Variants in CYP4F2 observed in about 807,000 individuals in gnomAD.
CYP4F2 encodes cytochrome P450 family 4 subfamily F member 2.
Under a neutral mutation model 58.9 loss-of-function variants are expected in CYP4F2, and 58 were observed. The ratio of observed to expected loss-of-function variants is 0.98; its 90% CI spans 0.80 to 1.23. The LOEUF is 1.23. CYP4F2 is among the 50% of genes most tolerant of loss of function. CYP4F2 has a pLI of 0.00. For missense variants in CYP4F2, 616 were observed against 685.6 expected, an observed-to-expected ratio of 0.90 and a Z score of 1.13; for synonymous variants, 287 against 261.1, an observed-to-expected ratio of 1.10 and a Z score of -0.95.
At chr19:15,881,047 A>T (rs1224746636) in intron 9 of CYP4F2, among the ~76,000 whole-genome samples, 1 of 152,226 alleles carries the variant, frequency 6.6e-6, no homozygotes, top group African/African-American at 2.4e-5. Flanking sequence ...TTTTAGCAAA[A>T]GGTTGGAAAC....
At position 15,878,460 on chromosome 19, in the gene CYP4F2, T is replaced by C. The variant is rs1467527359; in HGVS notation, c.*311A>G. On this transcript the variant is annotated 3_prime_UTR_variant, in exon 13 of 13. Transcript: ENST00000221700. ...CATTCAAGGTTCATCCACAGTGTAGTAGGGATCACTGCTTCATTCCTTTTT... is the reference window on the plus strand; with the variant it reads ...CATTCAAGGTTCATCCACAGTGTAGCAGGGATCACTGCTTCATTCCTTTTT... 2 of 429,992 alleles carry C rather than the reference T, an allele frequency of 4.7e-6. No individual in the cohort carries two copies. The highest frequency in any genetic ancestry group is 8.8e-5 in the East Asian group (2 of 22,798). 26.6% of individuals were successfully genotyped at this position (429,992 alleles called of 1,614,324 possible). A position where few individuals can be genotyped will look rare whatever the true frequency, so the allele number is the denominator to read the frequency against.
rs2089443439 is a variant in CYP4F2, at chr19:15,895,662, G to A, written c.199-12C>T. ...TCTGTGGGGTTGACCTGCAAGCAAG[G>A]CAGGGGTCATTACCTTCTGTGATAG... On this transcript the variant is annotated splice_polypyrimidine_tract_variant and intron_variant, in intron 2 of 12. Coordinates refer to ENST00000221700, the MANE Select transcript of CYP4F2 (RefSeq NM_001082.5). 1 of 1,590,928 alleles carries A rather than the reference G, an allele frequency of 6.3e-7. No individual in the cohort carries two copies. Among genetic ancestry groups the A allele is most frequent in the Non-Finnish European group, 8.5e-7 (1 of 1,170,812 alleles).
rs745595772 is a variant in CYP4F2 at position 15,879,652 on chromosome 19, G to A, written c.1266C>T (p.Ile422=). 6.8e-6 allele frequency: 11 copies of A among 1,614,064 alleles called. No homozygotes were observed. In the East Asian group the frequency reaches 2.0e-4, roughly 29 times the overall value. ...RVIPKGIICL[I]SVFGTHHNPA... ...GGTTGTGATGGGTTCCGAAAACACT[G>A]ATGAGGCAGATAATGCCTGTGGGAG... The change falls in exon 11 of 13, where the codon ATC becomes ATT. Residue 422 remains isoleucine, a synonymous_variant. Transcript: ENST00000221700.
At chr19:15,886,692 A>G (rs2089382326) in intron 7 of CYP4F2, among the ~76,000 whole-genome samples, 1 of 152,172 alleles carries the variant, frequency 6.6e-6, no homozygotes, top group Non-Finnish European at 1.5e-5. Flanking sequence ...AAATCTAGAG[A>G]ATCTTATCCC....
At chr19:15,881,026 C>T (rs942062587) in intron 9 of CYP4F2, among the ~76,000 whole-genome samples, 2 of 152,194 alleles carry the variant, frequency 1.3e-5, no homozygotes, top group Non-Finnish European at 2.9e-5. Context: ...TGCTGACTGC[C>T]TCATGTCCAC....
At position 15,879,431 on chromosome 19, in the gene CYP4F2, G is replaced by A. The variant is rs770733860; in HGVS notation, c.1315-3C>T. On this transcript the variant is annotated splice_region_variant and splice_polypyrimidine_tract_variant and intron_variant, in intron 11 of 12. Coordinates refer to ENST00000221700, the MANE Select transcript of CYP4F2 (RefSeq NM_001082.5). ...TCAAAGCGAAAGGGGTCGTAGACCT[G>A]GAGGTGAGACCAAGAAGGGTTGTTG... The A allele has an allele frequency of 6.2e-7, 1 of 1,614,132 alleles. No homozygotes were observed. The highest frequency in any genetic ancestry group is 8.5e-7 in the Non-Finnish European group (1 of 1,180,012).
At chr19:15,885,391 G>A (rs945693064) in intron 9 of CYP4F2, among the ~76,000 whole-genome samples, 27 of 152,148 alleles carry the variant, frequency 1.8e-4, no homozygotes, top group Admixed American at 1.0e-3. Flanking sequence ...TCCTTCCCAG[G>A]TCTCCAGAGC....
At chr19:15,892,036 C>T in intron 5 of CYP4F2, among the ~76,000 whole-genome samples, 1 of 152,168 alleles carries the variant, frequency 6.6e-6, no homozygotes, top group East Asian at 1.9e-4. Flanking sequence ...GTTGTCATGA[C>T]CCTCTTGTGT....
At chr19:15,894,720 G>A (rs911861081) in intron 3 of CYP4F2, among the ~76,000 whole-genome samples, 24 of 152,196 alleles carry the variant, frequency 1.6e-4, no homozygotes, top group African/African-American at 5.1e-4. Context: ...TGAGGTCAGA[G>A]CCATGGTCTC....
In CYP4F2 at chr19:15,878,712, C is replaced by T; in HGVS notation, c.*59G>A. On this transcript the variant is annotated 3_prime_UTR_variant, in exon 13 of 13. Coordinates refer to ENST00000221700, the MANE Select transcript of CYP4F2 (RefSeq NM_001082.5). The stretch of plus-strand genomic sequence containing the variant: ...AACAGGGTCTTAGGGTAATTCTAGG[C>T]TTCACTTTTGATGAATCAGGGGTCA... The T allele has an allele frequency of 6.3e-7, 1 of 1,599,862 alleles. No homozygotes were observed. Among genetic ancestry groups the T allele is most frequent in the Non-Finnish European group, 8.5e-7 (1 of 1,171,844 alleles).
chr19:15,885,968 C>A lies in CYP4F2; in HGVS notation c.1071G>T (p.Glu357Asp), dbSNP rs775583485. The A allele has an allele frequency of 1.2e-6, 2 of 1,613,982 alleles. No homozygotes were observed. Among genetic ancestry groups the A allele is most frequent in the East Asian group, 4.5e-5 (2 of 44,860 alleles). ...CACGGTCCTTCAGAAGTTCTTGCAC[C>A]TCCTGCCGGCAGCGCTCCTGGTATT... ...HPEYQERCRQ[E>D]VQELLKDREP... The change falls in exon 9 of 13, where the codon GAG (glutamate) becomes GAT (aspartate). Residue 357 changes from glutamate (E) to aspartate (D), a missense_variant. Transcript: ENST00000221700.
chr19:15,892,940 ACT>A (rs780271518), intron 3 of CYP4F2, among the ~76,000 whole-genome samples: 18 of 151,932 alleles, frequency 1.2e-4, no homozygotes, highest in Non-Finnish European at 2.1e-4. Flanking sequence ...CTGTCCCAGC[ACT>A]CTCTGACATC....
chr19:15,895,150 C>T (rs939503273), intron 3 of CYP4F2, among the ~76,000 whole-genome samples: 1 of 152,212 alleles, frequency 6.6e-6, no homozygotes. Context: ...CCAGCAGAGA[C>T]CTTGTTCTTC....
At chr19:15,884,867 C>A (rs1248351588) in intron 9 of CYP4F2, among the ~76,000 whole-genome samples, 2 of 152,108 alleles carry the variant, frequency 1.3e-5, no homozygotes, top group African/African-American at 4.8e-5. Flanking sequence ...TCCACACTAG[C>A]CCTAGAAAGA....
chr19:15,879,160 A>T (rs1467414116), intron 12 of CYP4F2, among the ~76,000 whole-genome samples, 186 bp downstream of exon 12: 1 of 152,138 alleles, frequency 6.6e-6, no homozygotes, highest in Non-Finnish European at 1.5e-5. Flanking sequence ...GGCTCTGAGC[A>T]CACCACAGAC....
At chr19:15,896,542 A>G (rs897051353) in intron 2 of CYP4F2, among the ~76,000 whole-genome samples, 3 of 152,188 alleles carry the variant, frequency 2.0e-5, no homozygotes, top group Non-Finnish European at 4.4e-5. Context: ...TGGTCCCCAC[A>G]TGCCTTCATG....
intron 1 of CYP4F2, 53 bp from the exon 2 acceptor site, chr19:15,897,665 AG>A (rs2089456771): frequency 6.3e-7 from 1 of 1,592,974 alleles, no homozygotes; most frequent in Non-Finnish European, 8.5e-7. Flanking sequence ...AGAACGGCCC[AG>A]GGACCTCCAG....
At chr19:15,886,430 A>G in intron 7 of CYP4F2, 122 bp from the exon 8 acceptor site, 2 of 1,344,462 alleles carry the variant, frequency 1.5e-6, no homozygotes, top group Admixed American at 1.9e-5. Context: ...CAGAAATCCA[A>G]GTCCATCTTG....
chr19:15,890,537 T>C, intron 5 of CYP4F2, 104 bp from the exon 6 acceptor site: 2 of 1,523,428 alleles, frequency 1.3e-6, no homozygotes. Context: ...CCTCTTCATC[T>C]TCTCCCCAGG....
Sources: gnomAD v4.1 joint callset for allele counts (sites outside exome capture counted in the v4.1 genomes callset) on GRCh38, gnomAD v4.1.1 for gene constraint, MANE v1.5 for transcripts, NCBI Gene and HGNC (gene_info 2026-07-23, HGNC 2026-07-21) for gene names.